ZNF227: variants seen among roughly 807,000 people sequenced by gnomAD.
ZNF227 encodes zinc finger protein 227.
In ZNF227, 12 loss-of-function variants were observed where a neutral mutation model predicts 13.2. The ratio of observed to expected loss-of-function variants is 0.91; its 90% confidence interval spans 0.58 to 1.47. The LOEUF is 1.47. ZNF227 is among the 40% of genes most tolerant of loss of function. The pLI is 0.00. For missense variants in ZNF227, 885 were observed against 967.5 expected (o/e 0.91, Z 1.13); for synonymous variants, 338 against 326.0 (o/e 1.04, Z -0.40).
At chr19:44,233,854 C>G (rs906598002) in intron 5 of ZNF227, among the ~76,000 whole-genome samples, 1 of 152,080 alleles carries the variant, frequency 6.6e-6, no homozygotes, top group African/African-American at 2.4e-5. Context: ...GAAATCACAC[C>G]ACTGCACTCC....
chr19:44,225,100 CTCTCT>C (rs1344061868), intron 3 of ZNF227, among the ~76,000 whole-genome samples: 1 of 152,028 alleles, frequency 6.6e-6, no homozygotes, highest in African/African-American at 2.4e-5. Flanking sequence ...TTGGCCCCCA[CTCTCT>C]TCTGGCTTGT....
chr19:44,222,437 A>G (rs867534849), intron 3 of ZNF227, among the ~76,000 whole-genome samples: 1 of 151,292 alleles, frequency 6.6e-6, no homozygotes, highest in Non-Finnish European at 1.5e-5. Context: ...CTTTTATTTC[A>G]TCGAGCAGTG....
At chr19:44,233,911 G>C (rs761608529) in intron 5 of ZNF227, among the ~76,000 whole-genome samples, 1 of 151,948 alleles carries the variant, frequency 6.6e-6, no homozygotes, top group South Asian at 2.1e-4. Flanking sequence ...AAAAAATGGC[G>C]TATGGTGGTA....
intron 5 of ZNF227, among the ~76,000 whole-genome samples, chr19:44,234,332 G>C (rs778580330): frequency 6.6e-6 from 1 of 152,162 alleles, no homozygotes; most frequent in Non-Finnish European, 1.5e-5. Context: ...AATCCCGCTT[G>C]TCATAAGCCT....
intron 3 of ZNF227, chr19:44,227,059 G>T (rs1973244945): frequency 6.8e-6 from 1 of 147,902 alleles, no homozygotes. Context: ...GGATTGGTTA[G>T]AGATAAATCT....
upstream of ZNF227, among the ~76,000 whole-genome samples, chr19:44,211,186 G>T (rs1204292006): frequency 6.7e-6 from 1 of 148,934 alleles, no homozygotes; most frequent in Non-Finnish European, 1.5e-5. Context: ...CTGGGCAAAA[G>T]AGCCAAACTC....
intron 5 of ZNF227, among the ~76,000 whole-genome samples, chr19:44,231,541 C>A (rs184077278): frequency 5.1e-4 from 78 of 152,244 alleles, no homozygotes; most frequent in African/African-American, 1.7e-3. Context: ...CCATGTTGGC[C>A]AGGCTGGTCT....
intron 3 of ZNF227, among the ~76,000 whole-genome samples, chr19:44,227,929 C>T (rs1217818616): frequency 1.3e-5 from 2 of 152,074 alleles, no homozygotes; most frequent in East Asian, 1.9e-4. Context: ...ACTTTGCAAA[C>T]GTTAAAAACA....
intron 3 of ZNF227, among the ~76,000 whole-genome samples, chr19:44,220,528 A>G (rs963496959): frequency 2.4e-4 from 36 of 152,096 alleles, no homozygotes; most frequent in Non-Finnish European, 3.4e-4. Flanking sequence ...ATCCACATCT[A>G]TACAATGATT....
upstream of ZNF227, among the ~76,000 whole-genome samples, chr19:44,208,202 T>G (rs574076201): frequency 1.1e-4 from 17 of 152,260 alleles, no homozygotes; most frequent in Non-Finnish European, 8.8e-5. Flanking sequence ...ATTCTACTTT[T>G]GACCACTATG....
chr19:44,227,857 A>G (rs1326078763), intron 3 of ZNF227, among the ~76,000 whole-genome samples: 1 of 152,220 alleles, frequency 6.6e-6, no homozygotes, highest in Non-Finnish European at 1.5e-5. Context: ...TGGATGTGAC[A>G]TGTGCCTTGA....
intron 3 of ZNF227, among the ~76,000 whole-genome samples, chr19:44,225,638 CTG>C: frequency 6.6e-6 from 1 of 152,300 alleles, no homozygotes; most frequent in Non-Finnish European, 1.5e-5. Flanking sequence ...AAGCACTTCT[CTG>C]TATTGGTTAT....
rs775691610 is a variant in ZNF227, at chr19:44,229,834, A to T, written c.271+18A>T. On this transcript the variant is annotated intron_variant, in intron 5 of 5. Transcript: ENST00000313040. Reference sequence around the variant, plus strand: ...CCAAAGAAGTAGGTATTCTGGTGAGAACCCTGTGTCTGTTCTTTCAGGTAC... The same window carrying T: ...CCAAAGAAGTAGGTATTCTGGTGAGTACCCTGTGTCTGTTCTTTCAGGTAC... 2.0e-6 allele frequency: 3 copies of T among 1,533,106 alleles called. No individual in the cohort carries two copies. The highest frequency in any genetic ancestry group is 2.7e-6 in the Non-Finnish European group (3 of 1,128,940). 95.0% of individuals were successfully genotyped at this position (1,533,106 alleles called of 1,614,324 possible). A position where few individuals can be genotyped will look rare whatever the true frequency, so the allele number is the denominator to read the frequency against.
Position 44,228,585 on chromosome 19 carries a change from A to G in ZNF227, c.187+13A>G. On this transcript the variant is annotated intron_variant, in intron 4 of 5. Coordinates refer to ENST00000313040, the MANE Select transcript of ZNF227 (RefSeq NM_182490.3). ...CTGGTTGCAGTGGGTGAGGACAGGC[A>G]CTCTCTGACCCTGAACTTCAGTTCC... 6.2e-7 allele frequency: 1 copy of G among 1,601,824 alleles called. No homozygotes were observed. Among genetic ancestry groups the G allele is most frequent in the Non-Finnish European group, 8.5e-7 (1 of 1,175,580 alleles).
upstream of ZNF227, among the ~76,000 whole-genome samples, chr19:44,212,366 GTTTTTTTTTTTGT>G (rs906301675): frequency 4.6e-5 from 5 of 108,262 alleles, no homozygotes; most frequent in African/African-American, 2.2e-4. Flanking sequence ...CGCTCGCTCC[GTTTTTTTTTTTGT>G]TTTTTTTTTT....
chr19:44,231,123 T>C (rs1973789984), intron 5 of ZNF227, among the ~76,000 whole-genome samples: 1 of 151,168 alleles, frequency 6.6e-6, no homozygotes, highest in South Asian at 2.1e-4. Flanking sequence ...AATTTTTTTT[T>C]TTTTTGAGAC....
intron 3 of ZNF227, among the ~76,000 whole-genome samples, chr19:44,226,027 C>A (rs1218455996): frequency 6.6e-6 from 1 of 152,194 alleles, no homozygotes; most frequent in Non-Finnish European, 1.5e-5. Flanking sequence ...GCTAGAGGTC[C>A]ACTCCAGACC....
intron 3 of ZNF227, among the ~76,000 whole-genome samples, chr19:44,225,582 T>C (rs1206937819): frequency 6.6e-6 from 1 of 152,038 alleles, no homozygotes; most frequent in South Asian, 2.1e-4. Context: ...TTCTGCATTC[T>C]TCATGTAGTT....
Position 44,229,791 on chromosome 19 carries a change from G to A in ZNF227, c.246G>A (p.Trp82Ter). The A allele has an allele frequency of 1.9e-6, 3 of 1,584,202 alleles. No individual in the cohort carries two copies. Among genetic ancestry groups the A allele is most frequent in the Non-Finnish European group, 2.6e-6 (3 of 1,160,158 alleles). ...VSQLEAEEKL[W>*]MMETETQRSS... ...AATTGGAAGCAGAAGAAAAGCTTTGGATGATGGAAACAGAAACCCAAAGAA... is the reference window on the plus strand; with the variant it reads ...AATTGGAAGCAGAAGAAAAGCTTTGAATGATGGAAACAGAAACCCAAAGAA... The change falls in exon 5 of 6, where the codon TGG becomes TGA. Residue 82 changes from tryptophan (W) to a stop codon, truncating the protein, a stop_gained. Coordinates refer to ENST00000313040, the MANE Select transcript of ZNF227 (RefSeq NM_182490.3). LOFTEE classifies it low-confidence loss of function (END_TRUNC).
Sources: gnomAD v4.1 joint callset for allele counts (sites outside exome capture counted in the v4.1 genomes callset) on GRCh38, gnomAD v4.1.1 for gene constraint, MANE v1.5 for transcripts, NCBI Gene and HGNC (gene_info 2026-07-23, HGNC 2026-07-21) for gene names.